The following TAOK1 variants were observed in gnomAD, a reference collection of about 807,000 sequenced individuals.
TAOK1 encodes the protein serine/threonine-protein kinase TAO1.
A neutral mutation model predicts 138.3 loss-of-function variants in TAOK1; 21 were observed. The observed-to-expected ratio is 0.15, with a 90% confidence interval of 0.11 to 0.22. TAOK1 has a LOEUF of 0.22. Among genes scored for constraint, TAOK1 ranks in the 10% least tolerant of loss-of-function variants. The pLI is 1.00. For synonymous variants in TAOK1, 361 were observed against 398.4 expected (o/e 0.91, Z 1.12); for missense variants, 651 against 1,227.7 (o/e 0.53, Z 7.02).
chr17:29,421,687 C>T (rs1239479799), intron 1 of TAOK1, among the ~76,000 whole-genome samples: 1 of 152,010 alleles, frequency 6.6e-6, no homozygotes, highest in Non-Finnish European at 1.5e-5. Flanking sequence ...AAGCCTTGAC[C>T]TCCTGGGTTC....
intron 1 of TAOK1, among the ~76,000 whole-genome samples, chr17:29,418,352 T>A (rs1905320352): frequency 6.6e-6 from 1 of 152,064 alleles, no homozygotes; most frequent in Non-Finnish European, 1.5e-5. Context: ...CCTGGCTAAT[T>A]TTTAAACTTT....
chr17:29,531,863 T>C (rs1448080264), intron 18 of TAOK1, among the ~76,000 whole-genome samples: 1 of 131,096 alleles, frequency 7.6e-6, no homozygotes, highest in Non-Finnish European at 1.6e-5. Flanking sequence ...TAACCCTTTC[T>C]TTTTTTTTTT....
At chr17:29,421,782 G>A (rs902248744) in intron 1 of TAOK1, among the ~76,000 whole-genome samples, 1 of 151,866 alleles carries the variant, frequency 6.6e-6, no homozygotes, top group Non-Finnish European at 1.5e-5. Flanking sequence ...AATTTTTGGG[G>A]GGTAGAGATT....
intron 4 of TAOK1, 26 bp downstream of exon 4, chr17:29,475,797 C>A: frequency 6.4e-7 from 1 of 1,556,252 alleles, no homozygotes. Context: ...CCCCTTGTTG[C>A]AGTTTTAGCT....
chr17:29,429,640 G>T (rs557563785), intron 1 of TAOK1, among the ~76,000 whole-genome samples: 20 of 152,226 alleles, frequency 1.3e-4, no homozygotes, highest in Admixed American at 8.5e-4. Context: ...AGTTAACATT[G>T]TTACAATATT....
At chr17:29,483,832 A>G (rs920135555) in intron 8 of TAOK1, among the ~76,000 whole-genome samples, 2 of 152,240 alleles carry the variant, frequency 1.3e-5, no homozygotes, top group South Asian at 2.1e-4. Context: ...TCTAATCTCT[A>G]TTCTTTTACC....
chr17:29,410,619 G>GTTTTTTTTTTTTTTTTTTT (rs61646352), intron 1 of TAOK1, among the ~76,000 whole-genome samples: 3 of 125,988 alleles, frequency 2.4e-5, no homozygotes, highest in African/African-American at 2.9e-5. Context: ...AGGGTTTTTT[G>GTTTTTTTTTTTTTTTTTTT]TTTTTTTTTT....
chr17:29,492,650 G>A (rs1288965596), intron 10 of TAOK1, among the ~76,000 whole-genome samples: 1 of 152,074 alleles, frequency 6.6e-6, no homozygotes, highest in Non-Finnish European at 1.5e-5. Flanking sequence ...AAATTAGCTG[G>A]GCGTGGTGGC....
intron 2 of TAOK1, among the ~76,000 whole-genome samples, chr17:29,453,742 A>G (rs182027650): frequency 6.6e-6 from 1 of 150,814 alleles, no homozygotes; most frequent in Admixed American, 6.6e-5. Flanking sequence ...ATGTCTAGCT[A>G]TATTTTGAGT....
intron 10 of TAOK1, among the ~76,000 whole-genome samples, chr17:29,492,952 C>T (rs1197228378): frequency 6.8e-6 from 1 of 146,430 alleles, no homozygotes; most frequent in Non-Finnish European, 1.5e-5. Flanking sequence ...ACCAGCCTGG[C>T]CAAAATGGTG....
chr17:29,463,946 A>G (rs939508958), intron 2 of TAOK1, among the ~76,000 whole-genome samples: 9 of 152,370 alleles, frequency 5.9e-5, no homozygotes, highest in South Asian at 2.1e-4. Flanking sequence ...CAAATGGCCA[A>G]GAAACACATG....
chr17:29,433,106 T>C (rs1905903428), intron 1 of TAOK1, among the ~76,000 whole-genome samples: 1 of 152,068 alleles, frequency 6.6e-6, no homozygotes, highest in Admixed American at 6.6e-5. Context: ...TGCAAGAGAA[T>C]GTAAGTAGAG....
chr17:29,532,391 C>G (rs1399056078), intron 18 of TAOK1, among the ~76,000 whole-genome samples: 1 of 147,166 alleles, frequency 6.8e-6, no homozygotes, highest in Non-Finnish European at 1.5e-5. Flanking sequence ...GTGTTTCTCG[C>G]AGAGGGGGAT....
rs567205366 is a variant in TAOK1, at chr17:29,488,336, C to T, written c.656-1328C>T. Reference sequence around the variant, plus strand: ...CTGTAATGCCAGCACTTTGGGAGGCCGAGACGGGTAGATCACCTGAGGTTG... The same window carrying T: ...CTGTAATGCCAGCACTTTGGGAGGCTGAGACGGGTAGATCACCTGAGGTTG... On this transcript the variant is annotated intron_variant, in intron 8 of 19. Transcript: ENST00000261716. Among the ~76,000 whole-genome samples the T allele has an allele frequency of 8.5e-5, 13 of 152,110 alleles. No homozygotes were observed. In the South Asian group the frequency reaches 2.7e-3, roughly 32 times the overall value.
intron 1 of TAOK1, among the ~76,000 whole-genome samples, chr17:29,415,459 C>T (rs1462648014): frequency 6.6e-6 from 1 of 152,092 alleles, no homozygotes; most frequent in Non-Finnish European, 1.5e-5. Flanking sequence ...TACATTACCA[C>T]CAAAAATATA....
chr17:29,462,198 A>T lies in TAOK1; in HGVS notation c.133-4947A>T, dbSNP rs79464308. ...TAATTGGCAGGGATCACCTTAAATT[A>T]AAAAATACTCAAATTGAGTCAGCCA... On this transcript the variant is annotated intron_variant, in intron 2 of 19. Transcript: ENST00000261716. 2.1e-3 allele frequency among the ~76,000 whole-genome samples: 324 copies of T among 152,348 alleles called. 7 individuals are homozygous for T. The East Asian group carries it at 0.037, about 18-fold the overall frequency.
chr17:29,519,185 T>TAA (rs201286486), intron 16 of TAOK1, among the ~76,000 whole-genome samples: 2,404 of 152,210 alleles, frequency 0.016, 28 homozygotes, highest in Non-Finnish European at 0.028. Context: ...ATTAATTGGG[T>TAA]AAATGTTGTA....
intron 3 of TAOK1, among the ~76,000 whole-genome samples, chr17:29,474,649 C>T (rs2030901361): frequency 6.6e-6 from 1 of 151,960 alleles, no homozygotes; most frequent in African/African-American, 2.4e-5. Context: ...GTTCATGGCT[C>T]CCCAAAACAA....
intron 18 of TAOK1, among the ~76,000 whole-genome samples, chr17:29,531,480 G>T (rs1383243572): frequency 0.021 from 2 of 96 alleles, no homozygotes; most frequent in Non-Finnish European, 0.042. Context: ...GGCCAGATAA[G>T]GCTGCGCGCC....
Sources: allele counts gnomAD v4.1 joint callset (sites outside exome capture counted in the v4.1 genomes callset), GRCh38; gene constraint gnomAD v4.1.1; transcripts MANE v1.5; gene names NCBI Gene and HGNC (gene_info 2026-07-23, HGNC 2026-07-21).